Variants in VAV3 observed in about 807,000 individuals in gnomAD.
VAV3 encodes the protein guanine nucleotide exchange factor VAV3.
A neutral mutation model predicts 131.2 loss-of-function variants in VAV3; 94 were observed. The observed-to-expected ratio is 0.72, with a 90% CI of 0.61 to 0.85. The LOEUF is 0.85. Ranked by LOEUF, VAV3 falls within the 40% of genes least tolerant of loss-of-function variation. The pLI is 0.00. For missense variants in VAV3, 939 were observed against 1,002.7 expected (o/e 0.94, Z 0.86); for synonymous variants, 349 against 342.0 (o/e 1.02, Z -0.22).
intron 25 of VAV3, among the ~76,000 whole-genome samples, chr1:107,592,056 CGTGTGTGTGT>C (rs35290300): frequency 6.7e-6 from 1 of 148,700 alleles, no homozygotes; most frequent in Non-Finnish European, 1.5e-5. Flanking sequence ...TATATACATA[CGTGTGTGTGT>C]GTGTGTGTGT....
rs145199261 is a variant in VAV3, at chr1:107,876,605, C to T, written c.205-1588G>A. On this transcript the variant is annotated intron_variant, in intron 1 of 26. Coordinates refer to ENST00000370056, the MANE Select transcript of VAV3 (RefSeq NM_006113.5). The stretch of plus-strand genomic sequence containing the variant: ...TTAGAGAAGAGCATGGTCAACTCAT[C>T]CACACTATAACAGGGAGATAGGAGG... 4.1e-3 allele frequency among the ~76,000 whole-genome samples: 624 copies of T among 152,054 alleles called. 5 individuals carry two copies. Among genetic ancestry groups the T allele is most frequent in the African/African-American group, 0.014 (587 of 41,484 alleles).
chr1:107,948,651 C>G (rs1320774551), intron 1 of VAV3, among the ~76,000 whole-genome samples: 1 of 152,160 alleles, frequency 6.6e-6, no homozygotes, highest in Non-Finnish European at 1.5e-5. Context: ...CAAGACCAGC[C>G]TAGCCAACAT....
chr1:107,758,523 T>C (rs915164888), intron 10 of VAV3, among the ~76,000 whole-genome samples: 2 of 152,084 alleles, frequency 1.3e-5, no homozygotes, highest in African/African-American at 4.8e-5. Flanking sequence ...GACTACACCA[T>C]TGCACTCTAG....
At chr1:107,638,696 A>C (rs1655114482) in intron 20 of VAV3, among the ~76,000 whole-genome samples, 1 of 152,150 alleles carries the variant, frequency 6.6e-6, no homozygotes, top group South Asian at 2.1e-4. Context: ...TTCATTTGAC[A>C]TGCAAAGGAC....
chr1:107,633,234 G>GA (rs551962088), intron 20 of VAV3, among the ~76,000 whole-genome samples: 1 of 151,790 alleles, frequency 6.6e-6, no homozygotes, highest in African/African-American at 2.4e-5. Flanking sequence ...TAAGGTTTAA[G>GA]AAAAAAAAGA....
intron 15 of VAV3, among the ~76,000 whole-genome samples, chr1:107,732,942 TG>T (rs1247185699): frequency 1.3e-5 from 2 of 152,206 alleles, no homozygotes; most frequent in African/African-American, 4.8e-5. Context: ...GTAGCCTAAC[TG>T]GGAGACATCT....
intron 1 of VAV3, among the ~76,000 whole-genome samples, chr1:107,924,978 G>A (rs1002787604): frequency 5.3e-5 from 8 of 152,108 alleles, no homozygotes; most frequent in Non-Finnish European, 1.0e-4. Flanking sequence ...GATGGTCAAG[G>A]CAGTATATTT....
intron 2 of VAV3, among the ~76,000 whole-genome samples, chr1:107,872,004 C>G (rs905888955): frequency 6.6e-6 from 1 of 152,160 alleles, no homozygotes; most frequent in Non-Finnish European, 1.5e-5. Context: ...AGTAACACAT[C>G]ACCTGTGTTT....
chr1:107,596,669 C>A (rs951350721), intron 24 of VAV3, among the ~76,000 whole-genome samples: 1 of 152,140 alleles, frequency 6.6e-6, no homozygotes, highest in African/African-American at 2.4e-5. Context: ...AATTATTGTT[C>A]TTATTTATGA....
intron 6 of VAV3, among the ~76,000 whole-genome samples, chr1:107,769,806 C>CT (rs1664937388): frequency 6.6e-6 from 1 of 152,190 alleles, no homozygotes; most frequent in Non-Finnish European, 1.5e-5. Context: ...TGACTCCTCT[C>CT]TTTTTTTCAC....
chr1:107,628,476 A>AG (rs1557715353), intron 20 of VAV3, among the ~76,000 whole-genome samples: 1 of 152,184 alleles, frequency 6.6e-6, no homozygotes, highest in African/African-American at 2.4e-5. Context: ...ACCAGCCCCC[A>AG]GGTTCGTTGC....
At chr1:107,935,544 G>C (rs1356265499) in intron 1 of VAV3, among the ~76,000 whole-genome samples, 1 of 152,156 alleles carries the variant, frequency 6.6e-6, no homozygotes, top group Non-Finnish European at 1.5e-5. Context: ...CCTAAAATTA[G>C]AAATAAGTTT....
In VAV3 at chr1:107,688,369, T is replaced by C. The variant is rs1219869996; in HGVS notation, c.1731+12A>G. The C allele has an allele frequency of 3.7e-6, 6 of 1,612,090 alleles. No individual in the cohort carries two copies. Among genetic ancestry groups the C allele is most frequent in the Middle Eastern group, 1.7e-4 (1 of 6,050 alleles). On this transcript the variant is annotated intron_variant, in intron 18 of 26. Transcript: ENST00000370056. ...CAAAGGTTATAAAAAATATTTAAAA[T>C]GTTAATCTTACCTCTGGTAGTTTGA...
chr1:107,737,863 C>T (rs945744380), intron 15 of VAV3, among the ~76,000 whole-genome samples: 2 of 152,006 alleles, frequency 1.3e-5, no homozygotes, highest in Non-Finnish European at 2.9e-5. Flanking sequence ...GGGTATATAC[C>T]CAAAGGATTA....
intron 20 of VAV3, among the ~76,000 whole-genome samples, chr1:107,637,952 CAA>C (rs1388332319): frequency 6.6e-6 from 1 of 152,018 alleles, no homozygotes; most frequent in Non-Finnish European, 1.5e-5. Flanking sequence ...TTAATAAAAA[CAA>C]AAATTATATC....
chr1:107,591,928 T>C (rs575778913), intron 25 of VAV3, among the ~76,000 whole-genome samples: 123 of 152,276 alleles, frequency 8.1e-4, no homozygotes, highest in Non-Finnish European at 1.6e-3. Context: ...TGCGGTACTA[T>C]TTTTTAATCA....
At chr1:107,646,974 T>A (rs1286437674) in intron 19 of VAV3, among the ~76,000 whole-genome samples, 1 of 151,860 alleles carries the variant, frequency 6.6e-6, no homozygotes, top group Non-Finnish European at 1.5e-5. Flanking sequence ...GTGCTTTTTT[T>A]AAAAGTTAAT....
At chr1:107,858,693 C>G (rs1297651071) in intron 2 of VAV3, among the ~76,000 whole-genome samples, 1 of 152,150 alleles carries the variant, frequency 6.6e-6, no homozygotes, top group African/African-American at 2.4e-5. Context: ...ACCATTCCCC[C>G]AGTACTCGGT....
chr1:107,744,093 C>T (rs1055257658), intron 15 of VAV3, among the ~76,000 whole-genome samples: 3 of 152,182 alleles, frequency 2.0e-5, no homozygotes, highest in African/African-American at 7.2e-5. Context: ...AAATGCAAAG[C>T]TCAGGCAGGG....
Sources: allele counts gnomAD v4.1 joint callset (sites outside exome capture counted in the v4.1 genomes callset), GRCh38; gene constraint gnomAD v4.1.1; transcripts MANE v1.5; gene names NCBI Gene and HGNC (gene_info 2026-07-23, HGNC 2026-07-21).